Variants in PDE12 observed in about 807,000 individuals in gnomAD.
PDE12 encodes the protein phosphodiesterase 12.
In PDE12, 26 loss-of-function variants were observed where a neutral mutation model predicts 45.4. The ratio of observed to expected loss-of-function variants is 0.57; its 90% CI spans 0.42 to 0.79. The LOEUF is 0.79. Ranked by LOEUF, PDE12 falls within the 30% of genes least tolerant of loss-of-function variation. The pLI is 0.00. For synonymous variants in PDE12, 283 were observed against 323.9 expected (o/e 0.87, Z 1.36); for missense variants, 668 against 790.0 (o/e 0.85, Z 1.85).
the PDE12 span, among the ~76,000 whole-genome samples, chr3:57,652,792 G>A: frequency 6.6e-6 from 1 of 152,130 alleles, no homozygotes; most frequent in Non-Finnish European, 1.5e-5. Context: ...GTAAATACCA[G>A]ACAATCCTAA....
chr3:57,563,215 A>G lies in PDE12; in HGVS notation c.*3211A>G, dbSNP rs775842198. 1 of 152,200 alleles carries G rather than the reference A, an allele frequency of 6.6e-6. No individual in the cohort carries two copies. Among genetic ancestry groups the G allele is most frequent in the Non-Finnish European group, 1.5e-5 (1 of 68,036 alleles). The allele number at this position is 152,200 out of a possible 1,614,324, so 9.4% of individuals were successfully genotyped here. ...AAGAGATAGAGTCTCACTGTTACCC[A>G]GGCTGGAGTGCAGTGGTGCAGTCAT... On this transcript the variant is annotated 3_prime_UTR_variant, in exon 3 of 3. Coordinates refer to ENST00000311180, the MANE Select transcript of PDE12 (RefSeq NM_177966.7).
chr3:57,613,677 G>A, the PDE12 span, among the ~76,000 whole-genome samples: 1 of 151,710 alleles, frequency 6.6e-6, no homozygotes, highest in Non-Finnish European at 1.5e-5. Flanking sequence ...GAGGAGGGCG[G>A]ATCACGAGGT....
the PDE12 span, among the ~76,000 whole-genome samples, chr3:57,610,182 C>G: frequency 6.6e-6 from 1 of 152,126 alleles, no homozygotes; most frequent in East Asian, 1.9e-4. Context: ...CAAAATTCAA[C>G]AACGCTTCAT....
the PDE12 span, chr3:57,627,157 TTG>T: frequency 6.6e-6 from 1 of 152,210 alleles, no homozygotes; most frequent in Non-Finnish European, 1.5e-5. Flanking sequence ...TTTTTTATTT[TTG>T]TTGAGACACA....
the PDE12 span, among the ~76,000 whole-genome samples, chr3:57,616,910 G>C: frequency 6.6e-6 from 1 of 152,088 alleles, no homozygotes; most frequent in Non-Finnish European, 1.5e-5. Context: ...TGTAGTCCCA[G>C]CTACTCAAGA....
the PDE12 span, among the ~76,000 whole-genome samples, chr3:57,643,503 G>T: frequency 2.0e-5 from 3 of 152,168 alleles, no homozygotes; most frequent in Admixed American, 1.3e-4. Context: ...TTAACATGGG[G>T]TATTAACAGA....
Position 57,560,238 on chromosome 3 carries a change from A to G in PDE12, c.*234A>G. 8.1e-7 allele frequency: 1 copy of G among 1,239,988 alleles called. No homozygotes were observed. Among genetic ancestry groups the G allele is most frequent in the South Asian group, 3.3e-5 (1 of 30,744 alleles). 76.8% of individuals were successfully genotyped at this position (1,239,988 alleles called of 1,614,324 possible). On this transcript the variant is annotated 3_prime_UTR_variant, in exon 3 of 3. Coordinates refer to ENST00000311180, the MANE Select transcript of PDE12 (RefSeq NM_177966.7). ...AAACAAATATATTTCTTACTAGCAA[A>G]ATAGAAAATTGAATTATTTTTCTCC...
At chr3:57,612,170 T>G in the PDE12 span, among the ~76,000 whole-genome samples, 1 of 140,494 alleles carries the variant, frequency 7.1e-6, no homozygotes, top group African/African-American at 2.7e-5. Context: ...ATGTTCTCAC[T>G]CATAGGTGGG....
At chr3:57,643,213 G>C in the PDE12 span, among the ~76,000 whole-genome samples, 3 of 152,022 alleles carry the variant, frequency 2.0e-5, no homozygotes, top group African/African-American at 7.3e-5. Flanking sequence ...ATTTAATGTG[G>C]GGCATGTTAC....
At chr3:57,580,252 T>C in the PDE12 span, among the ~76,000 whole-genome samples, 1 of 152,192 alleles carries the variant, frequency 6.6e-6, no homozygotes, top group African/African-American at 2.4e-5. Flanking sequence ...ACTAACTTCA[T>C]AAGCTTGTTA....
rs2069722071 is a variant in PDE12, at chr3:57,560,896, G to A, written c.*892G>A. On this transcript the variant is annotated 3_prime_UTR_variant, in exon 3 of 3. Transcript: ENST00000311180. ...TAGTTAGCGATTTACTACAATTTCAGAGCTTTAACAAAAGATAAAAATAAA... is the reference window on the plus strand; with the variant it reads ...TAGTTAGCGATTTACTACAATTTCAAAGCTTTAACAAAAGATAAAAATAAA... 2 of 985,200 alleles carry A rather than the reference G, an allele frequency of 2.0e-6. No individual in the cohort carries two copies. The highest frequency in any genetic ancestry group is 2.4e-6 in the Non-Finnish European group (2 of 829,404). 61.0% of individuals were successfully genotyped at this position (985,200 alleles called of 1,614,324 possible). A position where few individuals can be genotyped will look rare whatever the true frequency, so the allele number is the denominator to read the frequency against.
the PDE12 span, among the ~76,000 whole-genome samples, chr3:57,649,797 T>C: frequency 6.6e-6 from 1 of 151,392 alleles, no homozygotes; most frequent in Non-Finnish European, 1.5e-5. Flanking sequence ...CCTTGTTGGA[T>C]TGACCCCCCA....
At chr3:57,590,089 C>A in the PDE12 span, among the ~76,000 whole-genome samples, 1 of 135,164 alleles carries the variant, frequency 7.4e-6, no homozygotes, top group African/African-American at 2.7e-5. Context: ...GACTCTGTCT[C>A]AATAAATAAA....
the PDE12 span, chr3:57,575,482 A>G: frequency 4.8e-6 from 7 of 1,461,748 alleles, no homozygotes; most frequent in Non-Finnish European, 6.4e-6. Flanking sequence ...ACTGAATATT[A>G]GCTTACACAA....
the PDE12 span, chr3:57,625,394 T>TAA: frequency 6.6e-6 from 1 of 152,564 alleles, no homozygotes; most frequent in African/African-American, 2.4e-5. Flanking sequence ...CGAGTTTCAT[T>TAA]AACTATGCAT....
chr3:57,650,443 C>CACAT, the PDE12 span, among the ~76,000 whole-genome samples: 4 of 150,460 alleles, frequency 2.7e-5, no homozygotes, highest in Admixed American at 1.3e-4. Flanking sequence ...CACACACACA[C>CACAT]ACATACATAC....
the PDE12 span, among the ~76,000 whole-genome samples, chr3:57,613,297 CTT>C: frequency 3.9e-5 from 5 of 129,426 alleles, no homozygotes; most frequent in Non-Finnish European, 4.9e-5. Context: ...AAAAAAACAA[CTT>C]TTTTTTTTTT....
the PDE12 span, chr3:57,572,353 G>T: frequency 7.7e-7 from 1 of 1,297,394 alleles, no homozygotes; most frequent in Non-Finnish European, 1.1e-6. Context: ...TATAACACCA[G>T]TGTTTAAACT....
the PDE12 span, among the ~76,000 whole-genome samples, chr3:57,620,431 A>G: frequency 6.6e-6 from 1 of 152,122 alleles, no homozygotes; most frequent in Non-Finnish European, 1.5e-5. Flanking sequence ...AAAAATGAGT[A>G]TGTCTGCTCT....
Sources: gnomAD v4.1 joint callset for allele counts (sites outside exome capture counted in the v4.1 genomes callset) on GRCh38, gnomAD v4.1.1 for gene constraint, MANE v1.5 for transcripts, NCBI Gene and HGNC (gene_info 2026-07-23, HGNC 2026-07-21) for gene names.